The following SPAG16 variants were observed in gnomAD, a reference collection of about 807,000 sequenced individuals.
SPAG16 encodes sperm associated antigen 16.
A neutral mutation model predicts 80.4 loss-of-function variants in SPAG16; 86 were observed. The observed-to-expected ratio is 1.07, with a 90% CI of 0.90 to 1.28. The LOEUF is 1.28. Ranked by LOEUF, SPAG16 falls within the 50% of genes most tolerant of loss-of-function variation. SPAG16 has a pLI of 0.00. For missense variants in SPAG16, 870 were observed against 765.3 expected (o/e 1.14, Z -1.61); for synonymous variants, 294 against 265.9 (o/e 1.11, Z -1.03).
chr2:213,816,823 T>C lies in SPAG16; in HGVS notation c.1071-45662T>C, dbSNP rs542405298. ...ATTTTATTCCCCTTAGGAAATGTTA[T>C]CACTGAACTTACAGTGAATGTAGTT... is the stretch of plus-strand genomic sequence containing the variant. On this transcript the variant is annotated intron_variant, in intron 10 of 15. Coordinates refer to ENST00000331683, the MANE Select transcript of SPAG16 (RefSeq NM_024532.5). Among the ~76,000 whole-genome samples the C allele has an allele frequency of 1.7e-4, 26 of 152,200 alleles. No individual in the cohort carries two copies. The South Asian group carries it at 5.0e-3, about 29-fold the overall frequency.
chr2:214,106,082 T>C (rs915039434), intron 13 of SPAG16, among the ~76,000 whole-genome samples: 2 of 152,060 alleles, frequency 1.3e-5, no homozygotes. Context: ...AATCAAATAG[T>C]TTAGCGATTC....
rs549522396 is a variant in SPAG16, at chr2:214,326,633, A to T, written c.1721-83507A>T. 1.5e-4 allele frequency among the ~76,000 whole-genome samples: 23 copies of T among 152,262 alleles called. 1 individual carries two copies. The Middle Eastern group carries it at 0.01, about 68-fold the overall frequency. ...CCAGCATGATAGAGGTATTTGTCAA[A>T]TATCTTTTTTTAAAAAGTCACAGTA... On this transcript the variant is annotated intron_variant, in intron 15 of 15. Transcript: ENST00000331683.
intron 10 of SPAG16, among the ~76,000 whole-genome samples, chr2:213,804,476 G>T (rs971269643): frequency 6.6e-6 from 1 of 152,178 alleles, no homozygotes; most frequent in Admixed American, 6.5e-5. Flanking sequence ...AAGGTCAAGA[G>T]ATCGAGACCG....
intron 11 of SPAG16, among the ~76,000 whole-genome samples, chr2:213,875,564 G>T (rs575138968): frequency 1.3e-5 from 2 of 152,150 alleles, no homozygotes; most frequent in South Asian, 4.1e-4. Flanking sequence ...ACTAATTCTT[G>T]CTCTCACACT....
At chr2:213,447,889 A>G (rs1053755476) in intron 9 of SPAG16, among the ~76,000 whole-genome samples, 4 of 152,238 alleles carry the variant, frequency 2.6e-5, no homozygotes, top group Non-Finnish European at 5.9e-5. Context: ...GACCTTGGGA[A>G]TCTTCCCCCT....
chr2:213,615,506 G>T (rs546634281), intron 10 of SPAG16, among the ~76,000 whole-genome samples: 38 of 152,252 alleles, frequency 2.5e-4, no homozygotes, highest in African/African-American at 8.7e-4. Flanking sequence ...CAGGAAAATC[G>T]CTTGAACCTG....
intron 12 of SPAG16, among the ~76,000 whole-genome samples, chr2:213,968,095 C>T (rs78268757): frequency 1.0e-3 from 118 of 117,522 alleles, no homozygotes; most frequent in African/African-American, 3.4e-3. Flanking sequence ...TTCTTTCCTT[C>T]TTTTTTCTTT....
At chr2:214,042,444 A>G (rs2049088009) in intron 13 of SPAG16, among the ~76,000 whole-genome samples, 1 of 151,774 alleles carries the variant, frequency 6.6e-6, no homozygotes. Flanking sequence ...AACAACAACA[A>G]CAACAACAAC....
At chr2:213,540,439 A>C (rs564041148) in intron 10 of SPAG16, among the ~76,000 whole-genome samples, 2 of 152,210 alleles carry the variant, frequency 1.3e-5, no homozygotes, top group Non-Finnish European at 2.9e-5. Context: ...ATCAGTGTGG[A>C]TATACATTTA....
intron 6 of SPAG16, among the ~76,000 whole-genome samples, chr2:213,342,131 A>G (rs114518548): frequency 0.013 from 2,002 of 152,002 alleles, 22 homozygotes; most frequent in South Asian, 0.038. Context: ...TTTGCCATCA[A>G]TATTTTCTTT....
At chr2:214,154,438 C>T (rs1480716859) in intron 15 of SPAG16, among the ~76,000 whole-genome samples, 1 of 150,506 alleles carries the variant, frequency 6.6e-6, no homozygotes, top group African/African-American at 2.5e-5. Flanking sequence ...ATCGGAACCA[C>T]AATAGAAATC....
chr2:213,619,304 A>G (rs1335521097), intron 10 of SPAG16, among the ~76,000 whole-genome samples: 1 of 152,176 alleles, frequency 6.6e-6, no homozygotes, highest in Non-Finnish European at 1.5e-5. Context: ...AACCAAAAAT[A>G]GACAATGAGG....
chr2:214,163,360 T>G (rs775899463), intron 15 of SPAG16, among the ~76,000 whole-genome samples: 75 of 151,950 alleles, frequency 4.9e-4, no homozygotes, highest in Non-Finnish European at 9.3e-4. Flanking sequence ...TTTATTTATT[T>G]TTGTTTTTCT....
chr2:214,000,948 C>T (rs1559677222), intron 12 of SPAG16, among the ~76,000 whole-genome samples: 3 of 152,082 alleles, frequency 2.0e-5, no homozygotes, highest in Admixed American at 6.5e-5. Context: ...TCTCTAATAG[C>T]CAAACTACTA....
At chr2:213,733,439 A>G (rs185359953) in intron 10 of SPAG16, among the ~76,000 whole-genome samples, 247 of 151,988 alleles carry the variant, frequency 1.6e-3, no homozygotes, top group Middle Eastern at 0.01. Flanking sequence ...CTTGGAGAAC[A>G]GACCTGAGTG....
chr2:213,707,731 A>G (rs982838144), intron 10 of SPAG16, among the ~76,000 whole-genome samples: 4 of 151,436 alleles, frequency 2.6e-5, no homozygotes, highest in African/African-American at 9.8e-5. Context: ...AGTAAGTGAT[A>G]TTTACCCTAA....
chr2:213,610,381 T>A (rs111838164), intron 10 of SPAG16, among the ~76,000 whole-genome samples: 10 of 152,170 alleles, frequency 6.6e-5, no homozygotes, highest in African/African-American at 2.4e-4. Context: ...TTAACACTTT[T>A]GAAAATCTGA....
At position 213,602,490 on chromosome 2, in the gene SPAG16, C is replaced by T. The variant is rs193242384; in HGVS notation, c.1070+112400C>T. 8.6e-5 allele frequency among the ~76,000 whole-genome samples: 13 copies of T among 152,032 alleles called. No individual in the cohort carries two copies. The East Asian group carries it at 1.9e-3, about 23-fold the overall frequency. On this transcript the variant is annotated intron_variant, in intron 10 of 15. Coordinates refer to ENST00000331683, the MANE Select transcript of SPAG16 (RefSeq NM_024532.5). ...CTACAAAAACTACAAAAAAATTAGC[C>T]GGGCGTGGTGGTGCACGCCTGTAAT...
chr2:214,384,801 C>A (rs909818982), intron 15 of SPAG16, among the ~76,000 whole-genome samples: 1 of 152,174 alleles, frequency 6.6e-6, no homozygotes, highest in Non-Finnish European at 1.5e-5. Context: ...AGAAGAATAA[C>A]TAAAAGAAGT....
Sources: gnomAD v4.1 joint callset for allele counts (sites outside exome capture counted in the v4.1 genomes callset) on GRCh38, gnomAD v4.1.1 for gene constraint, MANE v1.5 for transcripts, NCBI Gene and HGNC (gene_info 2026-07-23, HGNC 2026-07-21) for gene names.